ZNF121: variants seen among roughly 807,000 people sequenced by gnomAD.
The protein encoded by ZNF121 is zinc finger protein 121 (clone ZHC32).
Under a neutral mutation model 2.4 loss-of-function variants are expected in ZNF121, and 1 was observed. That is an observed-to-expected ratio of 0.41 (90% CI 0.15 to 1.94). The LOEUF is 1.94. ZNF121 is among the 30% of genes most tolerant of loss of function. ZNF121 has a pLI of 0.30. For missense variants in ZNF121, 369 were observed against 466.3 expected (o/e 0.79, Z 1.92); for synonymous variants, 173 against 158.6 (o/e 1.09, Z -0.68).
rs1167745995 is a variant in ZNF121 at position 9,561,764 on chromosome 19, G to A, written c.*4176C>T. 1 of 152,030 alleles carries A rather than the reference G, an allele frequency of 6.6e-6. No individual in the cohort carries two copies. The highest frequency in any genetic ancestry group is 1.5e-5 in the Non-Finnish European group (1 of 68,054). The allele number at this position is 152,030 out of a possible 1,614,324, so 9.4% of individuals were successfully genotyped here. ...GTGGGTGCGTTAGCATGTGCCTGTGGTCCCAGGTACTCAGGAGACTCAGGT... is the reference window on the plus strand; with the variant it reads ...GTGGGTGCGTTAGCATGTGCCTGTGATCCCAGGTACTCAGGAGACTCAGGT... On this transcript the variant is annotated 3_prime_UTR_variant, in exon 4 of 4. Transcript: ENST00000320451.
intron 1 of ZNF121, among the ~76,000 whole-genome samples, chr19:9,572,282 T>G (rs1178715952): frequency 6.6e-6 from 1 of 152,138 alleles, no homozygotes; most frequent in African/African-American, 2.4e-5. Flanking sequence ...GTTAAGAGAA[T>G]CAAGTTTCCA....
At chr19:9,575,786 T>C (rs2074206438) in intron 1 of ZNF121, among the ~76,000 whole-genome samples, 1 of 151,240 alleles carries the variant, frequency 6.6e-6, no homozygotes, top group Non-Finnish European at 1.5e-5. Flanking sequence ...GATAAAGGGG[T>C]CAATTCAGCA....
intron 1 of ZNF121, among the ~76,000 whole-genome samples, chr19:9,575,379 T>C (rs969768324): frequency 3.3e-5 from 5 of 151,974 alleles, no homozygotes; most frequent in African/African-American, 1.2e-4. Flanking sequence ...GCCGATATTG[T>C]GCCACTGTAC....
rs763751129 is a variant in ZNF121, at chr19:9,566,955, T to C, written c.158A>G (p.Asn53Ser). ...EYGENFPMLH[N>S]SAPAGETLSV... ...AAGTGTCTCTCCAGCAGGGGCACTG[T>C]TGTGTAACATGGGAAAGTTTTCTCC... The change falls in exon 4 of 4, where the codon AAC (asparagine) becomes AGC (serine). Residue 53 changes from asparagine to serine, a missense_variant. Coordinates refer to ENST00000320451, the MANE Select transcript of ZNF121 (RefSeq NM_001008727.5). 1 of 1,614,232 alleles carries C rather than the reference T, an allele frequency of 6.2e-7. No individual in the cohort carries two copies. Among genetic ancestry groups the C allele is most frequent in the Non-Finnish European group, 8.5e-7 (1 of 1,180,034 alleles).
In ZNF121 at chr19:9,560,855, CAAGT is replaced by C. The variant is rs1435922171; in HGVS notation, c.*5081_*5084del. 3.9e-5 allele frequency: 6 copies of C among 152,194 alleles called. No individual in the cohort carries two copies. The highest frequency in any genetic ancestry group is 5.9e-5 in the Non-Finnish European group (4 of 68,028). 9.4% of individuals were successfully genotyped at this position (152,194 alleles called of 1,614,324 possible). A position where few individuals can be genotyped will look rare whatever the true frequency, so the allele number is the denominator to read the frequency against. ...TACCTAGAAGTGGATTGCTGCTGAC[CAAGT>C]AAGTTTTAAACCTAGTGCTTTTATA... On this transcript the variant is annotated 3_prime_UTR_variant, in exon 4 of 4. Coordinates refer to ENST00000320451, the MANE Select transcript of ZNF121 (RefSeq NM_001008727.5).
intron 2 of ZNF121, among the ~76,000 whole-genome samples, chr19:9,568,697 T>A (rs1035345611): frequency 1.1e-4 from 17 of 152,134 alleles, no homozygotes; most frequent in Non-Finnish European, 2.5e-4. Flanking sequence ...TTAAACAATT[T>A]ATTCTATAGA....
At chr19:9,573,490 G>A (rs10421418) in intron 1 of ZNF121, among the ~76,000 whole-genome samples, 5 of 152,078 alleles carry the variant, frequency 3.3e-5, no homozygotes, top group East Asian at 1.9e-4. Flanking sequence ...TAAGATTGTC[G>A]GCAAGATGCA....
At chr19:9,579,958 G>C (rs964664362) in intron 1 of ZNF121, among the ~76,000 whole-genome samples, 5 of 152,246 alleles carry the variant, frequency 3.3e-5, no homozygotes, top group Admixed American at 6.5e-5. Context: ...TTCAAATAGA[G>C]GGTGGGAGAT....
rs1234948794 is a variant in ZNF121 at position 9,565,721 on chromosome 19, T to TAAA, written c.*216_*218dup. 2.1e-5 allele frequency: 5 copies of TAAA among 233,142 alleles called. No individual in the cohort carries two copies. The Admixed American group carries it at 3.1e-4, about 15-fold the overall frequency. 14.4% of individuals were successfully genotyped at this position (233,142 alleles called of 1,614,324 possible). Reference sequence around the variant, plus strand: ...AATAAAATAAAATAAAATAAAATAATAAAAAAAGATTCCATTGGCTCCCTA... The same window carrying TAAA: ...AATAAAATAAAATAAAATAAAATAATAAAAAAAAAAGATTCCATTGGCTCCCTA... On this transcript the variant is annotated 3_prime_UTR_variant, in exon 4 of 4. Coordinates refer to ENST00000320451, the MANE Select transcript of ZNF121 (RefSeq NM_001008727.5).
rs1330521046 is a variant in ZNF121, at chr19:9,566,638, G to T, written c.475C>A (p.Leu159Ile). Residue 159 changes from leucine (L) to isoleucine (I), a missense_variant, in exon 4 of 4, where the codon CTT becomes ATT. Leu to Ile is a conservative substitution (Grantham distance 5, BLOSUM62 2). Around this residue, in one of 4 missense-constraint regions of ZNF121, gnomAD observed 68 missense variants for 105.5 expected, o/e 0.64. Coordinates refer to ENST00000320451, the MANE Select transcript of ZNF121 (RefSeq NM_001008727.5). ...CGKFFRYSSY[L>I]NSHMRTHTGE... ...GTATGGGTTCGCATGTGACTATTAA[G>T]ATATGAAGAATATCTAAAGAATTTT... 1.9e-6 allele frequency: 3 copies of T among 1,614,060 alleles called. No individual in the cohort carries two copies. In the African/African-American group the frequency reaches 4.0e-5, roughly 22 times the overall value.
intron 1 of ZNF121, among the ~76,000 whole-genome samples, chr19:9,574,306 C>T (rs550309813): frequency 6.6e-5 from 10 of 152,034 alleles, no homozygotes; most frequent in East Asian, 3.9e-4. Context: ...CCAACATGCC[C>T]GGCTCATTTT....
At chr19:9,581,773 T>C (rs752235980) in intron 1 of ZNF121, among the ~76,000 whole-genome samples, 1 of 152,190 alleles carries the variant, frequency 6.6e-6, no homozygotes, top group Non-Finnish European at 1.5e-5. Flanking sequence ...AGAGCATACG[T>C]TGAATCAATG....
Position 9,570,277 on chromosome 19 carries a change from A to T in ZNF121, c.-159-1195T>A, listed in dbSNP as rs531014929. ...GTTATTTCTTATGTTCTCAGGGCTG[A>T]AATTGTTATAATTAATGAGGCTCAT... On this transcript the variant is annotated intron_variant, in intron 1 of 3. Coordinates refer to ENST00000320451, the MANE Select transcript of ZNF121 (RefSeq NM_001008727.5). 9.2e-5 allele frequency among the ~76,000 whole-genome samples: 14 copies of T among 152,218 alleles called. No homozygotes were observed. The South Asian group carries it at 2.9e-3, about 32-fold the overall frequency.
At chr19:9,578,025 T>C (rs1255323519) in intron 1 of ZNF121, among the ~76,000 whole-genome samples, 1 of 130,952 alleles carries the variant, frequency 7.6e-6, no homozygotes, top group African/African-American at 3.2e-5. Flanking sequence ...ATCCCATCTC[T>C]ACTAAAAAAA....
At chr19:9,577,307 G>C (rs1382257265) in intron 1 of ZNF121, among the ~76,000 whole-genome samples, 1 of 151,974 alleles carries the variant, frequency 6.6e-6, no homozygotes, top group Non-Finnish European at 1.5e-5. Context: ...AGTTAGCTGG[G>C]AGTGGAGGCA....
intron 1 of ZNF121, among the ~76,000 whole-genome samples, chr19:9,579,249 C>G (rs745876387): frequency 1.3e-5 from 2 of 152,196 alleles, no homozygotes; most frequent in Non-Finnish European, 2.9e-5. Flanking sequence ...TAAATTAGTA[C>G]AGCCACTATA....
At position 9,562,161 on chromosome 19, in the gene ZNF121, ATTTTT is replaced by A. The variant is rs34814047; in HGVS notation, c.*3774_*3778del. ...ATTATACTTACTGTGGTGCTGTGTG[ATTTTT>A]TTTTTTTTTTTTTTTTGAGAAGGAA... On this transcript the variant is annotated 3_prime_UTR_variant, in exon 4 of 4. Transcript: ENST00000320451. The A allele has an allele frequency of 1.1e-4, 12 of 108,062 alleles. No individual in the cohort carries two copies. The South Asian group carries it at 1.9e-3, about 17-fold the overall frequency. The allele number at this position is 108,062 out of a possible 1,614,324, so 6.7% of individuals were successfully genotyped here.
Position 9,568,114 on chromosome 19 carries a change from G to A in ZNF121, c.-17C>T, listed in dbSNP as rs1236034841. 1.3e-6 allele frequency: 2 copies of A among 1,537,110 alleles called. No homozygotes were observed. Among genetic ancestry groups the A allele is most frequent in the Non-Finnish European group, 1.8e-6 (2 of 1,128,292 alleles). ...TCTTACCATTTGTATGCCGTTTGAT[G>A]TTTTGTTAAGCCAAAAAAAAATGTT... On this transcript the variant is annotated 5_prime_UTR_variant, in exon 3 of 4. Transcript: ENST00000320451.
intron 2 of ZNF121, 148 bp from the exon 3 acceptor site, chr19:9,568,323 C>A: frequency 2.4e-6 from 1 of 417,734 alleles, no homozygotes; most frequent in Non-Finnish European, 4.3e-6. Flanking sequence ...ACAGTTTATC[C>A]ATGACGAACA....
Sources: gnomAD v4.1 joint callset for allele counts (sites outside exome capture counted in the v4.1 genomes callset) on GRCh38, gnomAD v4.1.1 for gene constraint, gnomAD v4.1.1 regional missense constraint, MANE v1.5 for transcripts, NCBI Gene and HGNC (gene_info 2026-07-23, HGNC 2026-07-21) for gene names.